Variants in TNFAIP8 observed in about 807,000 individuals in gnomAD.
The protein encoded by TNFAIP8 is TNF alpha induced protein 8, also known as tumor necrosis factor alpha-induced protein 8.
Under a neutral mutation model 13.3 loss-of-function variants are expected in TNFAIP8, and 7 were observed. That is an observed-to-expected ratio of 0.52 (90% CI 0.30 to 0.99). TNFAIP8 has a LOEUF of 0.99. Among genes scored for constraint, TNFAIP8 ranks in the 50% least tolerant of loss-of-function variants. The probability of loss-of-function intolerance (pLI) is 0.07; values close to 1 mark genes in which losing one functional copy is unlikely to be tolerated. For missense variants in TNFAIP8, 258 were observed against 236.9 expected (o/e 1.09, Z -0.58); for synonymous variants, 94 against 87.6 (o/e 1.07, Z -0.41).
intron 1 of TNFAIP8, among the ~76,000 whole-genome samples, chr5:119,340,526 T>C (rs541946734): frequency 6.6e-6 from 1 of 152,336 alleles, no homozygotes; most frequent in South Asian, 2.1e-4. Flanking sequence ...CCATATCAAC[T>C]TGCTGGGCCT....
chr5:119,378,630 A>G (rs1752369517), intron 1 of TNFAIP8, among the ~76,000 whole-genome samples: 2 of 152,242 alleles, frequency 1.3e-5, no homozygotes, highest in African/African-American at 4.8e-5. Context: ...ATTCCAGAAC[A>G]TTTGCTGTAA....
chr5:119,292,413 T>C lies in TNFAIP8; in HGVS notation c.1+23506T>C, dbSNP rs1749015828. Among the ~76,000 whole-genome samples, 5 of 151,962 alleles carry C rather than the reference T, an allele frequency of 3.3e-5. No homozygotes were observed. The South Asian group carries it at 1.0e-3, about 31-fold the overall frequency. On this transcript the variant is annotated intron_variant, in intron 1 of 1. Coordinates refer to the TNFAIP8 transcript ENST00000274456. ...GAAATTAGTTAATGTCTTTGGACTT[T>C]TCATTTCCTTATTTATTAAATAAAA...
At chr5:119,298,219 TG>T (rs1334672927) in intron 1 of TNFAIP8, among the ~76,000 whole-genome samples, 3 of 151,832 alleles carry the variant, frequency 2.0e-5, no homozygotes, top group Non-Finnish European at 4.4e-5. Context: ...CTTTACAATT[TG>T]GCATGATTTT....
chr5:119,293,951 T>A (rs1749077126), intron 1 of TNFAIP8, among the ~76,000 whole-genome samples: 2 of 152,230 alleles, frequency 1.3e-5, no homozygotes, highest in Admixed American at 1.3e-4. Context: ...CTAGGCACTC[T>A]TGGGACATAA....
intron 1 of TNFAIP8, among the ~76,000 whole-genome samples, chr5:119,312,412 A>G (rs2112673086): frequency 6.6e-6 from 1 of 152,368 alleles, no homozygotes; most frequent in African/African-American, 2.4e-5. Context: ...GTAAGTGGTA[A>G]GTGCTCACCA....
At chr5:119,377,083 C>T (rs954675619) in intron 1 of TNFAIP8, among the ~76,000 whole-genome samples, 5 of 152,150 alleles carry the variant, frequency 3.3e-5, no homozygotes, top group Admixed American at 6.5e-5. Context: ...TTGCCTGGCA[C>T]ATAACAGTTG....
At chr5:119,355,583 G>A (rs906399375), upstream of TNFAIP8, 16 of 560,342 alleles carry the variant, frequency 2.9e-5, no homozygotes, top group African/African-American at 3.1e-4. Flanking sequence ...AGTCAAATGG[G>A]CATCAAAAAA....
chr5:119,280,254 A>C (rs1748586889), intron 1 of TNFAIP8, among the ~76,000 whole-genome samples: 1 of 152,032 alleles, frequency 6.6e-6, no homozygotes, highest in South Asian at 2.1e-4. Flanking sequence ...ACTTTATAGT[A>C]ATTACTTCCT....
At chr5:119,328,346 A>G (rs1255430142) in intron 1 of TNFAIP8, among the ~76,000 whole-genome samples, 1 of 152,104 alleles carries the variant, frequency 6.6e-6, no homozygotes, top group African/African-American at 2.4e-5. Context: ...TCGCAAAAAA[A>G]ATTTGGTTTG....
chr5:119,353,840 T>C (rs1396618485), upstream of TNFAIP8, among the ~76,000 whole-genome samples: 1 of 152,228 alleles, frequency 6.6e-6, no homozygotes, highest in Non-Finnish European at 1.5e-5. Flanking sequence ...TGTAGGCAGA[T>C]TGGGCCTGAA....
intron 1 of TNFAIP8, among the ~76,000 whole-genome samples, chr5:119,334,839 C>G (rs145810090): frequency 7.6e-4 from 116 of 152,096 alleles, no homozygotes; most frequent in Non-Finnish European, 1.4e-3. Context: ...TCAGAGCCAG[C>G]TTTGCTTGGG....
chr5:119,308,764 A>G (rs1749642298), intron 1 of TNFAIP8, among the ~76,000 whole-genome samples: 1 of 150,196 alleles, frequency 6.7e-6, no homozygotes. Context: ...CGGGAGGCTG[A>G]GGCAGGAGAA....
intron 1 of TNFAIP8, among the ~76,000 whole-genome samples, chr5:119,368,456 TGTGC>T (rs773968122): frequency 0.026 from 2,530 of 97,856 alleles, 40 homozygotes; most frequent in African/African-American, 0.054. Context: ...TGTGTGTGTG[TGTGC>T]GTGTGTGTGT....
chr5:119,285,182 A>C (rs1414600936), intron 1 of TNFAIP8, among the ~76,000 whole-genome samples: 1 of 152,192 alleles, frequency 6.6e-6, no homozygotes, highest in East Asian at 1.9e-4. Context: ...AGGCGAGCAG[A>C]CTGGGTATAT....
chr5:119,280,880 G>A (rs993899901), intron 1 of TNFAIP8, among the ~76,000 whole-genome samples: 8 of 151,870 alleles, frequency 5.3e-5, no homozygotes, highest in Admixed American at 2.0e-4. Context: ...TTGATTTCAT[G>A]TCATTCTCAG....
chr5:119,371,651 A>G (rs1379400089), intron 1 of TNFAIP8, among the ~76,000 whole-genome samples: 1 of 152,232 alleles, frequency 6.6e-6, no homozygotes, highest in East Asian at 1.9e-4. Flanking sequence ...TGTACTTTTT[A>G]TAATATACAT....
chr5:119,278,295 C>T (rs376655742), intron 1 of TNFAIP8, among the ~76,000 whole-genome samples: 1 of 150,818 alleles, frequency 6.6e-6, no homozygotes, highest in African/African-American at 2.4e-5. Flanking sequence ...GCGGAAATAG[C>T]TTTCTCAGCA....
Position 119,344,607 on chromosome 5 carries a change from G to A in TNFAIP8, c.2-48209G>A, listed in dbSNP as rs963364043. ...GAATTAACATATTTCTAGCCTCAGT[G>A]AGCATTTGAATTTTCAACCCACTGT... is the stretch of plus-strand genomic sequence containing the variant. On this transcript the variant is annotated intron_variant, in intron 1 of 1. Transcript: ENST00000274456. Among the ~76,000 whole-genome samples, 10 of 152,286 alleles carry A rather than the reference G, an allele frequency of 6.6e-5. No homozygotes were observed. In the East Asian group the frequency reaches 1.5e-3, roughly 23 times the overall value.
intron 1 of TNFAIP8, 88 bp from the exon 2 acceptor site, chr5:119,392,728 A>C: frequency 1.4e-6 from 2 of 1,379,420 alleles, no homozygotes; most frequent in Non-Finnish European, 1.9e-6. Context: ...TGAGGAAAAA[A>C]AGTGCTCCCA....
Sources: gnomAD v4.1 joint callset for allele counts (sites outside exome capture counted in the v4.1 genomes callset) on GRCh38, gnomAD v4.1.1 for gene constraint, MANE v1.5 for transcripts, NCBI Gene and HGNC (gene_info 2026-07-23, HGNC 2026-07-21) for gene names.